The following SMAD9 variants were observed in gnomAD, a reference collection of about 807,000 sequenced individuals.
The protein encoded by SMAD9 is MAD homolog 9.
Under a neutral mutation model 46.1 loss-of-function variants are expected in SMAD9, and 36 were observed. The observed-to-expected ratio is 0.78, with a 90% CI of 0.60 to 1.03. The LOEUF is 1.03. Among genes scored for constraint, SMAD9 ranks in the 50% least tolerant of loss-of-function variants. The probability of loss-of-function intolerance (pLI) is 0.00; values close to 1 mark genes in which losing one functional copy is unlikely to be tolerated. For missense variants in SMAD9, 572 were observed against 599.8 expected (o/e 0.95, Z 0.48); for synonymous variants, 245 against 237.1 (o/e 1.03, Z -0.31).
At position 36,850,931 on chromosome 13, in the gene SMAD9, G is replaced by A. The variant is rs2769550; in HGVS notation, c.1261-2112C>T. Among the ~76,000 whole-genome samples the A allele has an allele frequency of 2.8e-3, 424 of 152,160 alleles. 2 individuals are homozygous for A. The highest frequency in any genetic ancestry group is 9.7e-3 in the African/African-American group (401 of 41,504). On this transcript the variant is annotated intron_variant, in intron 6 of 6. Coordinates refer to ENST00000379826, the MANE Select transcript of SMAD9 (RefSeq NM_001127217.3). ...CCTCTTTTTCTCCCACGCCTGATCC[G>A]CCTTCACAATTCAGAATCCTTCCAC...
chr13:36,853,784 C>T, intron 5 of SMAD9, 109 bp from the exon 6 acceptor site: 1 of 1,095,900 alleles, frequency 9.1e-7, no homozygotes, highest in Non-Finnish European at 1.4e-6. Context: ...GTTGTCAGAT[C>T]ACTGATCAGA....
chr13:36,891,787 A>G (rs1330935239), intron 1 of SMAD9, among the ~76,000 whole-genome samples: 1 of 152,194 alleles, frequency 6.6e-6, no homozygotes, highest in Non-Finnish European at 1.5e-5. Context: ...GGAAATGACA[A>G]CAATTAGGCC....
At chr13:36,901,056 G>A (rs1254177969) in intron 1 of SMAD9, among the ~76,000 whole-genome samples, 3 of 152,178 alleles carry the variant, frequency 2.0e-5, no homozygotes, top group African/African-American at 7.2e-5. Flanking sequence ...ATATGTGTGT[G>A]TTTGTGTGTG....
intron 1 of SMAD9, among the ~76,000 whole-genome samples, chr13:36,893,441 A>ATATATAT (rs1566033899): frequency 2.8e-5 from 4 of 142,148 alleles, no homozygotes; most frequent in Non-Finnish European, 6.0e-5. Flanking sequence ...TATAAATATA[A>ATATATAT]ATATATATAT....
intron 2 of SMAD9, among the ~76,000 whole-genome samples, chr13:36,878,686 C>A (rs1053328665): frequency 6.6e-6 from 1 of 152,074 alleles, no homozygotes; most frequent in Non-Finnish European, 1.5e-5. Flanking sequence ...AAAGTAGCAG[C>A]CAAAAACCCT....
intron 1 of SMAD9, among the ~76,000 whole-genome samples, chr13:36,906,114 C>T (rs1054894578): frequency 6.6e-6 from 1 of 152,066 alleles, no homozygotes; most frequent in Admixed American, 6.6e-5. Flanking sequence ...TCTACAGCCA[C>T]AAAGGCCAAA....
chr13:36,858,893 G>A (rs973820114), intron 5 of SMAD9, among the ~76,000 whole-genome samples: 1 of 152,054 alleles, frequency 6.6e-6, no homozygotes, highest in African/African-American at 2.4e-5. Flanking sequence ...GGTATTTTTT[G>A]TAGTGACAGG....
chr13:36,857,013 A>G (rs957758926), intron 5 of SMAD9, among the ~76,000 whole-genome samples: 1 of 152,046 alleles, frequency 6.6e-6, no homozygotes, highest in African/African-American at 2.4e-5. Flanking sequence ...CATGTTGGGC[A>G]GGCTGGTCTC....
chr13:36,868,970 C>T (rs187665629), intron 3 of SMAD9, among the ~76,000 whole-genome samples: 10 of 151,872 alleles, frequency 6.6e-5, no homozygotes, highest in Non-Finnish European at 1.3e-4. Context: ...TGCCACAACA[C>T]AAACTGTGAA....
chr13:36,879,650 T>C lies in SMAD9; in HGVS notation c.40A>G (p.Thr14Ala). ...AGCAGTCTCTTCACTGCGGGGCTGG[T>C]GAAGGAGAAGAGGGAGCTGATGGGG... ...TTPISSLFSF[T>A]SPAVKRLLGW... The change falls in exon 2 of 7, where the codon ACC (threonine) becomes GCC (alanine). Residue 14 changes from threonine to alanine, a missense_variant. Coordinates refer to ENST00000379826, the MANE Select transcript of SMAD9 (RefSeq NM_001127217.3). The C allele has an allele frequency of 6.2e-7, 1 of 1,614,110 alleles. No individual in the cohort carries two copies. Among genetic ancestry groups the C allele is most frequent in the Non-Finnish European group, 8.5e-7 (1 of 1,180,010 alleles).
intron 6 of SMAD9, chr13:36,851,896 T>G (rs1411336994): frequency 1.0e-6 from 1 of 967,752 alleles, no homozygotes; most frequent in East Asian, 1.1e-4. Context: ...TATATAAGCT[T>G]ATATTTAATC....
At chr13:36,877,664 GA>G (rs536297135) in intron 2 of SMAD9, among the ~76,000 whole-genome samples, 99 of 152,050 alleles carry the variant, frequency 6.5e-4, no homozygotes, top group African/African-American at 2.0e-3. Context: ...AACCAGGGAA[GA>G]AGGGTGGAAA....
Position 36,851,843 on chromosome 13 carries a change from CCTAT to C in SMAD9, c.1260+1572_1260+1575del, listed in dbSNP as rs568524971. ...TGTAGCTTTATGAATGTAAATGCTG[CCTAT>C]CTGAGAAATGTATCTAGTTATTAGG... is the stretch of plus-strand genomic sequence containing the variant. On this transcript the variant is annotated intron_variant, in intron 6 of 6. Coordinates refer to ENST00000379826, the MANE Select transcript of SMAD9 (RefSeq NM_001127217.3). 1,298 of 981,526 alleles carry C rather than the reference CCTAT, an allele frequency of 1.3e-3. 12 individuals are homozygous for C. In the African/African-American group the frequency reaches 0.02, roughly 15 times the overall value. The allele number at this position is 981,526 out of a possible 1,614,324, so 60.8% of individuals were successfully genotyped here. A position where few individuals can be genotyped will look rare whatever the true frequency, so the allele number is the denominator to read the frequency against.
At chr13:36,875,876 T>C (rs1324289156) in intron 2 of SMAD9, among the ~76,000 whole-genome samples, 1 of 152,224 alleles carries the variant, frequency 6.6e-6, no homozygotes, top group Non-Finnish European at 1.5e-5. Context: ...CATTTCCCTT[T>C]ATCATAACAA....
intron 1 of SMAD9, among the ~76,000 whole-genome samples, chr13:36,903,927 T>C (rs2058598355): frequency 6.6e-6 from 1 of 152,136 alleles, no homozygotes; most frequent in African/African-American, 2.4e-5. Flanking sequence ...AGAAACTCAT[T>C]AGTAATTTTC....
Position 36,879,886 on chromosome 13 carries a change from C to G in SMAD9, c.-186-11G>C. On this transcript the variant is annotated splice_polypyrimidine_tract_variant and intron_variant, in intron 1 of 6. Transcript: ENST00000379826. ...ACAGGGTGGCCAACTCTGGAAAACA[C>G]GACAAGACTTCAATTAGCTTAATCG... 1.7e-6 allele frequency: 1 copy of G among 603,654 alleles called. No homozygotes were observed. The highest frequency in any genetic ancestry group is 1.9e-5 in the African/African-American group (1 of 54,030). 37.4% of individuals were successfully genotyped at this position (603,654 alleles called of 1,614,324 possible). A position where few individuals can be genotyped will look rare whatever the true frequency, so the allele number is the denominator to read the frequency against.
chr13:36,864,294 C>A (rs1302854532), intron 5 of SMAD9, among the ~76,000 whole-genome samples: 1 of 152,152 alleles, frequency 6.6e-6, no homozygotes, highest in Non-Finnish European at 1.5e-5. Flanking sequence ...AGTAAAATCA[C>A]CACCATCTTC....
In SMAD9 at chr13:36,847,945, T is replaced by TA. The variant is rs2058046959; in HGVS notation, c.*730dup. On this transcript the variant is annotated 3_prime_UTR_variant, in exon 7 of 7. Transcript: ENST00000379826. Reference sequence around the variant, plus strand: ...TGGCTCTTGGACCAAGTTCTGGTCTTATCTTGCAATCTGGGAAACAGCATT... The same window carrying TA: ...TGGCTCTTGGACCAAGTTCTGGTCTTAATCTTGCAATCTGGGAAACAGCATT... The TA allele has an allele frequency of 6.6e-6, 1 of 152,288 alleles. No individual in the cohort carries two copies. The highest frequency in any genetic ancestry group is 6.5e-5 in the Admixed American group (1 of 15,280). The allele number at this position is 152,288 out of a possible 1,614,324, so 9.4% of individuals were successfully genotyped here.
chr13:36,848,550 TAAG>T lies in SMAD9; in HGVS notation c.*123_*125del, dbSNP rs768104903. The T allele has an allele frequency of 2.0e-4, 189 of 947,606 alleles. No individual in the cohort carries two copies. Among genetic ancestry groups the T allele is most frequent in the South Asian group, 6.6e-4 (49 of 74,098 alleles). The allele number at this position is 947,606 out of a possible 1,614,324, so 58.7% of individuals were successfully genotyped here. On this transcript the variant is annotated 3_prime_UTR_variant, in exon 7 of 7. Coordinates refer to ENST00000379826, the MANE Select transcript of SMAD9 (RefSeq NM_001127217.3). ...CAAAACAAACGGTGATTAAAAAAAA[TAAG>T]AACAGTATACATTCTATGTATTTAC...
Sources: gnomAD v4.1 joint callset for allele counts (sites outside exome capture counted in the v4.1 genomes callset) on GRCh38, gnomAD v4.1.1 for gene constraint, MANE v1.5 for transcripts, NCBI Gene and HGNC (gene_info 2026-07-23, HGNC 2026-07-21) for gene names.